NEK10: variants seen among roughly 807,000 people sequenced by gnomAD.
NEK10 encodes NIMA related kinase 10.
Under a neutral mutation model 159.8 loss-of-function variants are expected in NEK10, and 122 were observed. That is an observed-to-expected ratio of 0.76 (90% CI 0.66 to 0.89). The LOEUF is 0.89. Ranked by LOEUF, NEK10 falls within the 40% of genes least tolerant of loss-of-function variation. NEK10 has a pLI of 0.00. For synonymous variants in NEK10, 466 were observed against 457.1 expected, an observed-to-expected ratio of 1.02 and a Z score of -0.25; for missense variants, 1,342 against 1,323.1, an observed-to-expected ratio of 1.01 and a Z score of -0.22.
At chr3:27,266,456 C>G (rs2040903559) in intron 22 of NEK10, among the ~76,000 whole-genome samples, 1 of 152,154 alleles carries the variant, frequency 6.6e-6, no homozygotes, top group African/African-American at 2.4e-5. Context: ...TCTCCGAGCA[C>G]CAGATTTACA....
In NEK10 at chr3:27,342,203, T is replaced by C. The variant is rs114430788; in HGVS notation, c.362+2069A>G. Among the ~76,000 whole-genome samples the C allele has an allele frequency of 5.8e-3, 882 of 152,186 alleles. 11 individuals are homozygous for C. Among genetic ancestry groups the C allele is most frequent in the African/African-American group, 0.02 (846 of 41,506 alleles). The stretch of plus-strand genomic sequence containing the variant: ...TTACCATTTTGTTTATCAAATTGAA[T>C]CTAAGCCTTCAACCCAACACTAAAT... On this transcript the variant is annotated intron_variant, in intron 5 of 35. Transcript: ENST00000691995.
chr3:27,156,826 A>G (rs1945483292), intron 30 of NEK10, among the ~76,000 whole-genome samples: 1 of 150,562 alleles, frequency 6.6e-6, no homozygotes, highest in Non-Finnish European at 1.5e-5. Context: ...TCATAATACA[A>G]AAAAGATACT....
chr3:27,198,368 A>G (rs545017522), intron 25 of NEK10, among the ~76,000 whole-genome samples: 41 of 151,078 alleles, frequency 2.7e-4, no homozygotes, highest in Non-Finnish European at 5.5e-4. Context: ...TCATCATGCT[A>G]CCTGACTTCA....
At chr3:27,245,426 C>T (rs1954958849) in intron 23 of NEK10, among the ~76,000 whole-genome samples, 1 of 152,182 alleles carries the variant, frequency 6.6e-6, no homozygotes, top group African/African-American at 2.4e-5. Context: ...AGGCTAGCCC[C>T]AATCGGGCCT....
chr3:27,317,963 C>A (rs113485847), intron 6 of NEK10, among the ~76,000 whole-genome samples: 9 of 152,186 alleles, frequency 5.9e-5, no homozygotes, highest in South Asian at 2.1e-4. Flanking sequence ...CCACCACGCC[C>A]GGCTAATTTT....
At chr3:27,301,219 A>T (rs1005051556) in intron 13 of NEK10, among the ~76,000 whole-genome samples, 17 of 152,230 alleles carry the variant, frequency 1.1e-4, no homozygotes, top group African/African-American at 4.1e-4. Flanking sequence ...TCCTGCTTGC[A>T]TGTGAAAATC....
chr3:27,310,665 C>A, intron 9 of NEK10: 1 of 292,226 alleles, frequency 3.4e-6, no homozygotes. Context: ...TTATACATAG[C>A]TGGGGCTTTT....
intron 12 of NEK10, among the ~76,000 whole-genome samples, chr3:27,302,421 A>T (rs2043899807): frequency 6.6e-6 from 1 of 151,692 alleles, no homozygotes; most frequent in Non-Finnish European, 1.5e-5. Flanking sequence ...CTAGCAATTT[A>T]TCGGTTCTGT....
chr3:27,318,823 A>G (rs2045403891), intron 6 of NEK10, among the ~76,000 whole-genome samples: 1 of 152,210 alleles, frequency 6.6e-6, no homozygotes, highest in Admixed American at 6.5e-5. Context: ...TAAAGGGGAA[A>G]GTTTGAGGCT....
chr3:27,208,652 T>A (rs1318216037), intron 23 of NEK10, among the ~76,000 whole-genome samples: 1 of 152,162 alleles, frequency 6.6e-6, no homozygotes, highest in Non-Finnish European at 1.5e-5. Flanking sequence ...AGTATTTGGT[T>A]CTGGTGACTA....
At position 27,108,691 on chromosome 3, in the gene NEK10, T is replaced by G. The variant is rs966852148; in HGVS notation, c.*2581A>C. On this transcript the variant is annotated 3_prime_UTR_variant, in exon 36 of 36. Transcript: ENST00000691995. ...ATGCAATCAAGAAAAGATTAAGAGG[T>G]CTATGAAGTTCATGTAACAACTCCT... Among the ~76,000 whole-genome samples, 3 of 151,186 alleles carry G rather than the reference T, an allele frequency of 2.0e-5. No individual in the cohort carries two copies. The highest frequency in any genetic ancestry group is 3.9e-4 in the East Asian group (2 of 5,172).
intron 31 of NEK10, among the ~76,000 whole-genome samples, chr3:27,134,511 G>C (rs946653394): frequency 6.6e-6 from 1 of 152,176 alleles, no homozygotes; most frequent in Non-Finnish European, 1.5e-5. Flanking sequence ...TTCCTTCAAA[G>C]GGGACTTAAC....
At chr3:27,319,318 C>T (rs2149643519) in intron 6 of NEK10, among the ~76,000 whole-genome samples, 1 of 152,282 alleles carries the variant, frequency 6.6e-6, no homozygotes, top group East Asian at 1.9e-4. Flanking sequence ...ACAATTATAT[C>T]TTCAAAATGG....
chr3:27,355,690 T>C (rs1019639280), intron 1 of NEK10, among the ~76,000 whole-genome samples: 1 of 152,044 alleles, frequency 6.6e-6, no homozygotes, highest in African/African-American at 2.4e-5. Flanking sequence ...CTCCTCTACA[T>C]CCTCAGGAAC....
rs762060598 is a variant in NEK10 at position 27,304,827 on chromosome 3, T to C, written c.948A>G (p.Val316=). Residue 316 remains valine, a synonymous_variant, in exon 12 of 36, where the codon GTA becomes GTG. Transcript: ENST00000691995. Reference sequence around the variant, plus strand: ...TGGTCTCAGGGTCCTCACAAACCTGTACCAGAATCCAGACAATGCTCCAGA... The same window carrying C: ...TGGTCTCAGGGTCCTCACAAACCTGCACCAGAATCCAGACAATGCTCCAGA... The part of the protein sequence containing the change: ...KLLWSIVWIL[V]QVCEDPETSV... 1.2e-6 allele frequency: 2 copies of C among 1,613,892 alleles called. No individual in the cohort carries two copies. Among genetic ancestry groups the C allele is most frequent in the Non-Finnish European group, 1.7e-6 (2 of 1,179,806 alleles).
chr3:27,120,108 T>C (rs1000597287), intron 32 of NEK10, among the ~76,000 whole-genome samples: 1 of 152,142 alleles, frequency 6.6e-6, no homozygotes, highest in African/African-American at 2.4e-5. Flanking sequence ...TGAAAAAATA[T>C]ACTTTATGGC....
intron 8 of NEK10, 105 bp from the exon 9 acceptor site, chr3:27,311,121 A>G (rs1575691755): frequency 1.5e-6 from 1 of 687,264 alleles, no homozygotes; most frequent in East Asian, 2.7e-5. Context: ...GAAAGGTCAA[A>G]GGGAACACAG....
chr3:27,243,602 G>A (rs1350934862), intron 23 of NEK10, among the ~76,000 whole-genome samples: 1 of 152,062 alleles, frequency 6.6e-6, no homozygotes. Flanking sequence ...TGAATTCGAG[G>A]AAAATATATC....
chr3:27,274,920 C>A (rs536128375), intron 22 of NEK10, among the ~76,000 whole-genome samples: 1 of 152,144 alleles, frequency 6.6e-6, no homozygotes, highest in South Asian at 2.1e-4. Flanking sequence ...CTCATCCAGA[C>A]GACATCACAC....
Sources: allele counts gnomAD v4.1 joint callset (sites outside exome capture counted in the v4.1 genomes callset), GRCh38; gene constraint gnomAD v4.1.1; transcripts MANE v1.5; gene names NCBI Gene and HGNC (gene_info 2026-07-23, HGNC 2026-07-21).